CFAP43: variants seen among roughly 807,000 people sequenced by gnomAD.
The protein encoded by CFAP43 is cilia and flagella associated protein 43, also known as cilia- and flagella-associated protein 43.
In CFAP43, 155 loss-of-function variants were observed where a neutral mutation model predicts 218.9. The observed-to-expected ratio is 0.71, with a 90% CI of 0.62 to 0.81. The LOEUF is 0.81. Among genes scored for constraint, CFAP43 ranks in the 30% least tolerant of loss-of-function variants. The pLI is 0.00. For missense variants in CFAP43, 1,778 were observed against 1,954.3 expected, an observed-to-expected ratio of 0.91 and a Z score of 1.70; for synonymous variants, 645 against 681.3, an observed-to-expected ratio of 0.95 and a Z score of 0.83.
Position 104,168,955 on chromosome 10 carries a change from G to A in CFAP43, c.2587-107C>T, listed in dbSNP as rs146272286. ...GTAGCCATTAACTGCACCTTCAGTG[G>A]TAGAGTTTGTCTTTCTCCAACACTT... On this transcript the variant is annotated intron_variant, in intron 20 of 37. Transcript: ENST00000357060. 14 of 855,204 alleles carry A rather than the reference G, an allele frequency of 1.6e-5. No individual in the cohort carries two copies. The East Asian group carries it at 3.3e-4, about 20-fold the overall frequency. 53.0% of individuals were successfully genotyped at this position (855,204 alleles called of 1,614,324 possible). A position where few individuals can be genotyped will look rare whatever the true frequency, so the allele number is the denominator to read the frequency against.
chr10:104,141,191 G>A (rs2087688799), intron 33 of CFAP43, among the ~76,000 whole-genome samples, 190 bp from the exon 34 acceptor site: 1 of 152,010 alleles, frequency 6.6e-6, no homozygotes, highest in Admixed American at 6.5e-5. Flanking sequence ...AATTATACCT[G>A]GGTTGCTCAA....
intron 31 of CFAP43, among the ~76,000 whole-genome samples, chr10:104,144,120 C>T (rs1008997659): frequency 6.6e-6 from 1 of 152,180 alleles, no homozygotes; most frequent in Non-Finnish European, 1.5e-5. Context: ...AGATGCTTTA[C>T]AGTACACTGT....
chr10:104,228,596 T>C (rs1283489035), intron 2 of CFAP43, among the ~76,000 whole-genome samples: 1 of 152,182 alleles, frequency 6.6e-6, no homozygotes, highest in Non-Finnish European at 1.5e-5. Flanking sequence ...TTACTTTCTA[T>C]GACAAATCTC....
At chr10:104,134,030 A>G (rs988788589) in intron 34 of CFAP43, among the ~76,000 whole-genome samples, 2 of 152,188 alleles carry the variant, frequency 1.3e-5, no homozygotes, top group African/African-American at 4.8e-5. Context: ...TTATATGTCA[A>G]CAATTAGGCA....
rs943025103 is a variant in CFAP43 at position 104,212,113 on chromosome 10, G to A, written c.629C>T (p.Thr210Met). 55 of 1,613,504 alleles carry A rather than the reference G, an allele frequency of 3.4e-5. No individual in the cohort carries two copies. The highest frequency in any genetic ancestry group is 1.6e-4 in the Middle Eastern group (1 of 6,084). The stretch of plus-strand genomic sequence containing the variant: ...CAACGACTGGGGGAAAACGACATCC[G>A]TTTCATTAAAAAATGACCCATCTTC... ...PLEDGSFFNE[T>M]DVVFPQSLPK... The change falls in exon 5 of 38, where the codon ACG becomes ATG. Residue 210 changes from threonine (T) to methionine (M), a missense_variant. Thr to Met is a moderately conservative substitution (Grantham distance 81). Coordinates refer to ENST00000357060, the MANE Select transcript of CFAP43 (RefSeq NM_025145.7).
intron 12 of CFAP43, among the ~76,000 whole-genome samples, chr10:104,191,603 A>G (rs1223665030): frequency 1.3e-5 from 2 of 151,794 alleles, no homozygotes; most frequent in Non-Finnish European, 2.9e-5. Context: ...CCTCTACTAA[A>G]TTGTCTCCTT....
chr10:104,131,323 A>G lies in CFAP43; in HGVS notation c.4831+8T>C, dbSNP rs930594332. 3 of 1,597,830 alleles carry G rather than the reference A, an allele frequency of 1.9e-6. No individual in the cohort carries two copies. The highest frequency in any genetic ancestry group is 2.2e-5 in the East Asian group (1 of 44,702). ...TACAGTTGGTTAAAGAAAAAAAAGC[A>G]TGCTTACCCATTGCATTACAGATGT... On this transcript the variant is annotated splice_region_variant and intron_variant, in intron 37 of 37. Coordinates refer to ENST00000357060, the MANE Select transcript of CFAP43 (RefSeq NM_025145.7).
At chr10:104,144,949 T>G (rs1440029610) in intron 31 of CFAP43, among the ~76,000 whole-genome samples, 1 of 152,244 alleles carries the variant, frequency 6.6e-6, no homozygotes, top group Non-Finnish European at 1.5e-5. Flanking sequence ...TGTGGTCAAA[T>G]AAGTTTGGAA....
At chr10:104,145,422 C>G (rs1313921354) in intron 31 of CFAP43, 54 bp downstream of exon 31, 4 of 1,246,008 alleles carry the variant, frequency 3.2e-6, no homozygotes, top group Non-Finnish European at 4.6e-6. Flanking sequence ...AGTAACACTC[C>G]TCTTTATTTG....
chr10:104,219,555 A>C (rs1285002856), intron 3 of CFAP43, among the ~76,000 whole-genome samples: 1 of 152,168 alleles, frequency 6.6e-6, no homozygotes, highest in Non-Finnish European at 1.5e-5. Flanking sequence ...AGGATAAAGA[A>C]TTTGTCCATT....
intron 28 of CFAP43, among the ~76,000 whole-genome samples, chr10:104,148,885 T>A (rs1157335797): frequency 1.3e-5 from 2 of 152,220 alleles, no homozygotes; most frequent in Non-Finnish European, 2.9e-5. Context: ...TTTTTTCATG[T>A]CTTTTAAATC....
At chr10:104,198,383 A>T (rs2090436872) in intron 8 of CFAP43, among the ~76,000 whole-genome samples, 1 of 152,114 alleles carries the variant, frequency 6.6e-6, no homozygotes. Context: ...CCCAGGTTCA[A>T]GCATTCTCCT....
In CFAP43 at chr10:104,130,304, C is replaced by T; in HGVS notation, c.4833G>A (p.Gly1611=). ...CAATCTTTTCACAAGTCAGTTTAGA[C>T]CCTATCCCAAAAATGAATAAAGGAA... ...SERKDICNAM[G]SKLTCEKIVK... is the part of the protein sequence containing the mutation. The change falls in exon 38 of 38, where the codon GGG becomes GGA. Residue 1611 remains glycine (G), a splice_region_variant and synonymous_variant. Coordinates refer to ENST00000357060, the MANE Select transcript of CFAP43 (RefSeq NM_025145.7). The T allele has an allele frequency of 6.2e-7, 1 of 1,603,730 alleles. No individual in the cohort carries two copies. Among genetic ancestry groups the T allele is most frequent in the Non-Finnish European group, 8.5e-7 (1 of 1,177,958 alleles).
intron 12 of CFAP43, among the ~76,000 whole-genome samples, chr10:104,191,990 A>C (rs2090239596): frequency 6.6e-6 from 1 of 152,210 alleles, no homozygotes; most frequent in South Asian, 2.1e-4. Context: ...AGCACCAACT[A>C]TGTACCAAGC....
At position 104,130,244 on chromosome 10, in the gene CFAP43, C is replaced by T; in HGVS notation, c.4893G>A (p.Gln1631=). 1 of 1,613,252 alleles carries T rather than the reference C, an allele frequency of 6.2e-7. No individual in the cohort carries two copies. Among genetic ancestry groups the T allele is most frequent in the Non-Finnish European group, 8.5e-7 (1 of 1,179,832 alleles). ...GTTGTTTTGAAATATTTGTTAACTT[C>T]TGCTGTTGCATCATGTTTTCATACC... The part of the protein sequence containing the change: ...KERYENMMQQ[Q]KLTNISKQQA... The change falls in exon 38 of 38, where the codon CAG becomes CAA. Residue 1631 remains glutamine (Q), a synonymous_variant. Transcript: ENST00000357060.
chr10:104,151,666 T>C (rs2134776340), intron 28 of CFAP43, among the ~76,000 whole-genome samples: 1 of 152,346 alleles, frequency 6.6e-6, no homozygotes, highest in South Asian at 2.1e-4. Flanking sequence ...TGCAAATATT[T>C]TCTCCCATTC....
chr10:104,211,217 T>C (rs2090852441), intron 5 of CFAP43, among the ~76,000 whole-genome samples: 2 of 152,170 alleles, frequency 1.3e-5, no homozygotes, highest in Admixed American at 1.3e-4. Context: ...TTTGTAATGA[T>C]TCAATATATC....
intron 27 of CFAP43, among the ~76,000 whole-genome samples, chr10:104,160,244 C>T (rs988193777): frequency 6.6e-6 from 1 of 152,170 alleles, no homozygotes; most frequent in Non-Finnish European, 1.5e-5. Flanking sequence ...TCTTTGAAAT[C>T]TTTACTTCTT....
chr10:104,228,878 T>G (rs2091373634), intron 2 of CFAP43, among the ~76,000 whole-genome samples: 1 of 152,220 alleles, frequency 6.6e-6, no homozygotes, highest in Non-Finnish European at 1.5e-5. Flanking sequence ...TATATTTTGT[T>G]GCATTGGCTA....
Sources: gnomAD v4.1 joint callset for allele counts (sites outside exome capture counted in the v4.1 genomes callset) on GRCh38, gnomAD v4.1.1 for gene constraint, MANE v1.5 for transcripts, NCBI Gene and HGNC (gene_info 2026-07-23, HGNC 2026-07-21) for gene names.